The following GK variants were observed in gnomAD, a reference collection of about 807,000 sequenced individuals.
GK encodes the protein ATP:glycerol 3-phosphotransferase.
Under a neutral mutation model 56.4 loss-of-function variants are expected in GK, and 9 were observed. The observed-to-expected ratio is 0.16, with a 90% CI of 0.10 to 0.28. The LOEUF is 0.28. GK is among the 10% of genes least tolerant of loss of function. GK has a pLI of 1.00. For synonymous variants in GK, 104 were observed against 144.1 expected, an observed-to-expected ratio of 0.72 and a Z score of 1.99; for missense variants, 161 against 431.4, an observed-to-expected ratio of 0.37 and a Z score of 5.55.
At chrX:30,720,246 C>A (rs747896793) in intron 16 of GK, 151 bp downstream of exon 16, 10 of 482,303 alleles carry the variant, frequency 2.1e-5, no homozygotes, top group African/African-American at 1.9e-4. Context: ...GCAGGGTTTT[C>A]CCCCTTTTTC....
intron 18 of GK, chrX:30,721,458 ATTT>A (rs35498618): frequency 1.6e-3 from 150 of 93,255 alleles, no homozygotes; most frequent in South Asian, 8.2e-3. Context: ...CGCCCGCCTA[ATTT>A]TTTTTTTTTT....
At chrX:30,700,156 TAACC>T (rs1935568122) in intron 9 of GK, 3 of 331,825 alleles carry the variant, frequency 9.0e-6, no homozygotes, top group African/African-American at 7.8e-5. Flanking sequence ...ACTAACTAAC[TAACC>T]AAGAGTAGAG....
chrX:30,683,998 C>A (rs1042367817), intron 4 of GK, among the ~76,000 whole-genome samples: 1 of 111,778 alleles, frequency 8.9e-6, no homozygotes, highest in Non-Finnish European at 1.9e-5. Flanking sequence ...CTCTACCCAC[C>A]CATTTTTCTA....
At chrX:30,657,912 G>T (rs1243996826) in intron 1 of GK, among the ~76,000 whole-genome samples, 1 of 112,226 alleles carries the variant, frequency 8.9e-6, no homozygotes, top group Non-Finnish European at 1.9e-5. Flanking sequence ...TTATAAATTG[G>T]TTTTGCAATC....
chrX:30,666,682 A>T lies in GK; in HGVS notation c.152+1098A>T, dbSNP rs752807722. Among the ~76,000 whole-genome samples the T allele has an allele frequency of 5.3e-5, 6 of 112,350 alleles. No individual in the cohort carries two copies. The South Asian group carries it at 2.2e-3, about 41-fold the overall frequency. On this transcript the variant is annotated intron_variant, in intron 2 of 20. Transcript: ENST00000427190. The stretch of plus-strand genomic sequence containing the variant: ...TTCTAAATTGTATTGTCTTCTTCAC[A>T]TGAAAAAATGTTCTAATTTTTTAGA...
At chrX:30,718,277 C>T (rs1448104261) in intron 13 of GK, among the ~76,000 whole-genome samples, 1 of 112,038 alleles carries the variant, frequency 8.9e-6, no homozygotes, top group African/African-American at 3.2e-5. Context: ...GCAAACTGAT[C>T]AAAGATCAAT....
chrX:30,701,333 C>T (rs900355858), intron 11 of GK, among the ~76,000 whole-genome samples: 4 of 112,027 alleles, frequency 3.6e-5, no homozygotes, highest in Admixed American at 9.5e-5. Context: ...CGCTTGAACC[C>T]GGGAGGTGGA....
At chrX:30,659,654 C>T (rs1456636231) in intron 1 of GK, among the ~76,000 whole-genome samples, 1 of 112,452 alleles carries the variant, frequency 8.9e-6, no homozygotes, top group Non-Finnish European at 1.9e-5. Flanking sequence ...GGCAAGCCTA[C>T]AGGACAGTTA....
At chrX:30,724,683 CT>C in intron 19 of GK, 1 of 279,640 alleles carries the variant, frequency 3.6e-6, no homozygotes, top group Admixed American at 4.2e-5. Flanking sequence ...AATTCGAACT[CT>C]TATAAATAGA....
At chrX:30,716,238 C>T (rs1421582463) in intron 13 of GK, among the ~76,000 whole-genome samples, 3 of 111,871 alleles carry the variant, frequency 2.7e-5, no homozygotes, top group African/African-American at 9.7e-5. Flanking sequence ...ATTATGTATG[C>T]ATTTCTTGGT....
chrX:30,709,861 T>A (rs1485233721), intron 13 of GK, among the ~76,000 whole-genome samples: 3 of 111,600 alleles, frequency 2.7e-5, no homozygotes, highest in Non-Finnish European at 5.6e-5. Context: ...ATTTGTGTAG[T>A]TTTTTTGTTA....
At chrX:30,708,543 T>C (rs184468154) in intron 13 of GK, among the ~76,000 whole-genome samples, 1 of 111,237 alleles carries the variant, frequency 9.0e-6, no homozygotes, top group East Asian at 2.8e-4. Flanking sequence ...AGAACAACTC[T>C]CTTCACTTGT....
At chrX:30,700,508 T>C in intron 10 of GK, 59 bp downstream of exon 10, 1 of 929,708 alleles carries the variant, frequency 1.1e-6, no homozygotes, top group Non-Finnish European at 1.6e-6. Context: ...ATGGCTTTCC[T>C]CCTCTTAGTT....
At chrX:30,719,586 G>A in intron 15 of GK, 71 bp downstream of exon 15, 2 of 585,644 alleles carry the variant, frequency 3.4e-6, no homozygotes, top group Non-Finnish European at 2.9e-6. Flanking sequence ...TAACTTATTA[G>A]TTTCTTATCT....
chrX:30,694,408 A>G lies in GK; in HGVS notation c.423A>G (p.Thr141=), dbSNP rs1569159096. ...PGNNNFVKSK[T]GLPLSTYFSA... is the part of the protein sequence containing the mutation. ...CTTCACAACTGTTTTAGTCCAAGAC[A>G]GGCCTTCCACTTAGCACTTACTTCA... is the stretch of plus-strand genomic sequence containing the variant. The change falls in exon 6 of 21, where the codon ACA becomes ACG. Residue 141 remains threonine, a synonymous_variant. Transcript: ENST00000427190. 8.3e-7 allele frequency: 1 copy of G among 1,202,815 alleles called. No individual in the cohort carries two copies. Among genetic ancestry groups the G allele is most frequent in the African/African-American group, 1.7e-5 (1 of 57,238 alleles).
chrX:30,660,744 A>C (rs1450324635), intron 1 of GK, among the ~76,000 whole-genome samples: 1 of 108,629 alleles, frequency 9.2e-6, no homozygotes, highest in Non-Finnish European at 1.9e-5. Context: ...CACACCAAGC[A>C]TGACGTTGTC....
At chrX:30,683,542 G>A (rs764237423) in intron 4 of GK, among the ~76,000 whole-genome samples, 2 of 111,415 alleles carry the variant, frequency 1.8e-5, no homozygotes, top group African/African-American at 3.3e-5. Flanking sequence ...TGGTGGCCAC[G>A]GCATAGGCTT....
intron 18 of GK, among the ~76,000 whole-genome samples, chrX:30,723,327 A>G (rs768949081): frequency 2.6e-4 from 28 of 108,772 alleles, no homozygotes; most frequent in Admixed American, 4.8e-4. Context: ...CCCGGGAGGC[A>G]GAGCTTGCAG....
chrX:30,720,919 C>A lies in GK; in HGVS notation c.1425C>A (p.Val475=), dbSNP rs758915599. 8.3e-7 allele frequency: 1 copy of A among 1,210,738 alleles called. No individual in the cohort carries two copies. The change falls in exon 18 of 21, where the codon GTC becomes GTA. Residue 475 remains valine, a synonymous_variant. Coordinates refer to ENST00000427190, the MANE Select transcript of GK (RefSeq NM_001205019.2). ...TGGCGGCAGGGGCTGCAGAAGGAGT[C>A]GGCGTATGGAGTCTCGAACCCGAGG... ...AAMAAGAAEG[V]GVWSLEPEDL...
Sources: allele counts gnomAD v4.1 joint callset (sites outside exome capture counted in the v4.1 genomes callset), GRCh38; gene constraint gnomAD v4.1.1; transcripts MANE v1.5; gene names NCBI Gene and HGNC (gene_info 2026-07-23, HGNC 2026-07-21).